Variants in ARHGAP25 observed in about 807,000 individuals in gnomAD.
ARHGAP25 encodes Rho GTPase activating protein 25, also known as rho GTPase-activating protein 25.
A neutral mutation model predicts 71.0 loss-of-function variants in ARHGAP25; 34 were observed. That is an observed-to-expected ratio of 0.48 (90% CI 0.36 to 0.64). The LOEUF is 0.64. ARHGAP25 is among the 30% of genes least tolerant of loss of function. The pLI is 0.00. For missense variants in ARHGAP25, 706 were observed against 805.1 expected, an observed-to-expected ratio of 0.88 and a Z score of 1.49; for synonymous variants, 282 against 296.5, an observed-to-expected ratio of 0.95 and a Z score of 0.50.
intron 4 of ARHGAP25, among the ~76,000 whole-genome samples, chr2:68,803,541 A>G (rs111661099): frequency 9.2e-5 from 14 of 152,320 alleles, no homozygotes; most frequent in African/African-American, 2.4e-4. Flanking sequence ...GGTCATTTGC[A>G]TGAGAACTGA....
In ARHGAP25 at chr2:68,826,304, A is replaced by T. The variant is rs756622041; in HGVS notation, c.*110A>T. On this transcript the variant is annotated 3_prime_UTR_variant, in exon 11 of 11. Transcript: ENST00000409202. ...AATTATTCTCTGAGAGGGAAAGGAC[A>T]TTTGAGGGAAACATCAAATTTCCCC... 9.7e-7 allele frequency: 1 copy of T among 1,027,278 alleles called. No individual in the cohort carries two copies. The highest frequency in any genetic ancestry group is 1.5e-6 in the Non-Finnish European group (1 of 666,284). 63.6% of individuals were successfully genotyped at this position (1,027,278 alleles called of 1,614,324 possible).
chr2:68,731,164 A>T (rs1359294136), upstream of ARHGAP25, among the ~76,000 whole-genome samples: 2 of 152,048 alleles, frequency 1.3e-5, no homozygotes, highest in African/African-American at 4.8e-5. Flanking sequence ...AGTGCAGAAG[A>T]TCTGCACTCA....
rs116294653 is a variant in ARHGAP25 at position 68,815,280 on chromosome 2, A to G, written c.808-1009A>G. Among the ~76,000 whole-genome samples the G allele has an allele frequency of 6.1e-3, 928 of 152,244 alleles. 12 individuals are homozygous for G. Among genetic ancestry groups the G allele is most frequent in the African/African-American group, 0.021 (885 of 41,548 alleles). ...CTTTGCAATGAATTTACTCGACTCA[A>G]CTGAAGAAGGGATCTCAGCATGAAG... On this transcript the variant is annotated intron_variant, in intron 6 of 10. Coordinates refer to ENST00000409202, the MANE Select transcript of ARHGAP25 (RefSeq NM_001007231.3).
intron 8 of ARHGAP25, among the ~76,000 whole-genome samples, chr2:68,818,519 G>T (rs904490885): frequency 6.6e-6 from 1 of 152,138 alleles, no homozygotes; most frequent in African/African-American, 2.4e-5. Flanking sequence ...GTAGAGACAG[G>T]GTTTTACCAT....
chr2:68,818,104 T>C, intron 8 of ARHGAP25, 110 bp downstream of exon 8: 1 of 1,411,658 alleles, frequency 7.1e-7, no homozygotes, highest in African/African-American at 1.4e-5. Context: ...AAGCTGGTTA[T>C]CAATCTCATC....
At chr2:68,788,448 G>C (rs1485578051) in intron 4 of ARHGAP25, among the ~76,000 whole-genome samples, 1 of 152,208 alleles carries the variant, frequency 6.6e-6, no homozygotes, top group African/African-American at 2.4e-5. Context: ...TCCAAAAGAG[G>C]GATGATCAGA....
At chr2:68,742,000 C>T (rs1675542199) in intron 1 of ARHGAP25, among the ~76,000 whole-genome samples, 1 of 152,218 alleles carries the variant, frequency 6.6e-6, no homozygotes, top group African/African-American at 2.4e-5. Flanking sequence ...ATGCTGCAAG[C>T]ACCCCTCACC....
Position 68,819,117 on chromosome 2 carries a change from T to G in ARHGAP25, c.1004-6T>G. 1 of 1,535,906 alleles carries G rather than the reference T, an allele frequency of 6.5e-7. No homozygotes were observed. The highest frequency in any genetic ancestry group is 8.8e-7 in the Non-Finnish European group (1 of 1,142,080). The stretch of plus-strand genomic sequence containing the variant: ...ACACAACAGATCTTTTTCTTCTGTC[T>G]TTCAGGGACTCCTCAGATCCAAAGA... On this transcript the variant is annotated splice_polypyrimidine_tract_variant and splice_region_variant and intron_variant, in intron 8 of 10. Transcript: ENST00000409202.
chr2:68,761,257 A>G (rs1373499101), intron 1 of ARHGAP25, among the ~76,000 whole-genome samples: 1 of 152,130 alleles, frequency 6.6e-6, no homozygotes, highest in East Asian at 1.9e-4. Flanking sequence ...CCTATGAACT[A>G]AATTTAAGAC....
intron 2 of ARHGAP25, among the ~76,000 whole-genome samples, chr2:68,781,262 C>T (rs895000676): frequency 2.0e-5 from 3 of 152,062 alleles, no homozygotes; most frequent in Non-Finnish European, 2.9e-5. Context: ...CAGTGGTGAG[C>T]GCCTGTAGTG....
upstream of ARHGAP25, among the ~76,000 whole-genome samples, chr2:68,732,675 C>T (rs541491987): frequency 6.6e-5 from 10 of 152,330 alleles, 1 homozygote; most frequent in East Asian, 1.9e-3. Context: ...GCCCTTCTCC[C>T]TCCCCACTGC....
chr2:68,814,712 A>G (rs911575099), intron 6 of ARHGAP25, among the ~76,000 whole-genome samples: 2 of 152,230 alleles, frequency 1.3e-5, no homozygotes, highest in African/African-American at 4.8e-5. Flanking sequence ...TCCATCCCTG[A>G]CTAAGGGTGG....
At chr2:68,740,065 T>C in intron 1 of ARHGAP25, among the ~76,000 whole-genome samples, 1 of 152,082 alleles carries the variant, frequency 6.6e-6, no homozygotes, top group Non-Finnish European at 1.5e-5. Flanking sequence ...AAATATGAAA[T>C]ATGAAGACAG....
At position 68,810,731 on chromosome 2, in the gene ARHGAP25, CTTTT is replaced by C. The variant is rs539849992; in HGVS notation, c.675-2538_675-2535del. On this transcript the variant is annotated intron_variant, in intron 5 of 10. Coordinates refer to ENST00000409202, the MANE Select transcript of ARHGAP25 (RefSeq NM_001007231.3). ...GATCCAATTTCTTTTCTTTTCTTCT[CTTTT>C]TTTTTTTTTTTTTTTTTGAGACCAA... Among the ~76,000 whole-genome samples the C allele has an allele frequency of 1.1e-4, 8 of 74,352 alleles. 1 individual carries two copies. The highest frequency in any genetic ancestry group is 3.4e-4 in the South Asian group (1 of 2,912). The allele number at this position is 74,352 out of a possible 152,430, so 48.8% of individuals were successfully genotyped here. A position where few individuals can be genotyped will look rare whatever the true frequency, so the allele number is the denominator to read the frequency against.
intron 4 of ARHGAP25, among the ~76,000 whole-genome samples, chr2:68,798,454 A>G (rs1011550804): frequency 2.0e-5 from 3 of 152,050 alleles, no homozygotes; most frequent in East Asian, 3.9e-4. Context: ...AATATGTGCT[A>G]TGTGCCCAGT....
At chr2:68,797,761 T>C (rs943086744) in intron 4 of ARHGAP25, among the ~76,000 whole-genome samples, 3 of 152,304 alleles carry the variant, frequency 2.0e-5, no homozygotes, top group Admixed American at 6.5e-5. Flanking sequence ...TTCCATATCA[T>C]AGTCTTCTTG....
rs2104374643 is a variant in ARHGAP25 at position 68,775,415 on chromosome 2, C to A, written c.256C>A (p.Pro86Thr). The A allele has an allele frequency of 6.2e-7, 1 of 1,614,242 alleles. No homozygotes were observed. The highest frequency in any genetic ancestry group is 1.7e-5 in the Admixed American group (1 of 60,036). Residue 86 changes from proline to threonine, a missense_variant, in exon 2 of 11, where the codon CCC becomes ACC. Coordinates refer to ENST00000409202, the MANE Select transcript of ARHGAP25 (RefSeq NM_001007231.3). ...CTACAAGGATGAAGAGGACACGAAG[C>A]CCCAGGTACCAGCCAGGCTGTTTGT... is the stretch of plus-strand genomic sequence containing the variant. ...YYYKDEEDTKPQGCMYLPGCT... is the reference protein window; with the variant it reads ...YYYKDEEDTKTQGCMYLPGCT...
rs758221216 is a variant in ARHGAP25 at position 68,735,506 on chromosome 2, G to A, written c.61+246G>A. On this transcript the variant is annotated intron_variant, in intron 1 of 10. Transcript: ENST00000409202. ...TGGTGTGCAGGATCTGGGGTACTTC[G>A]GATGATTTAAGGCTACAGACTACAC... 11 of 582,468 alleles carry A rather than the reference G, an allele frequency of 1.9e-5. No homozygotes were observed. In the Admixed American group the frequency reaches 2.5e-4, roughly 13 times the overall value. The allele number at this position is 582,468 out of a possible 1,614,324, so 36.1% of individuals were successfully genotyped here.
chr2:68,752,366 C>A (rs898751972), intron 1 of ARHGAP25, among the ~76,000 whole-genome samples: 1 of 151,680 alleles, frequency 6.6e-6, no homozygotes, highest in Non-Finnish European at 1.5e-5. Context: ...AAAGGAGACA[C>A]CTGCCATTTC....
Sources: gnomAD v4.1 joint callset for allele counts (sites outside exome capture counted in the v4.1 genomes callset) on GRCh38, gnomAD v4.1.1 for gene constraint, MANE v1.5 for transcripts, NCBI Gene and HGNC (gene_info 2026-07-23, HGNC 2026-07-21) for gene names.